Variants in TRIM24 observed in about 807,000 individuals in gnomAD.
The protein encoded by TRIM24 is tripartite motif containing 24.
In TRIM24, 29 loss-of-function variants were observed where a neutral mutation model predicts 123.9. The observed-to-expected ratio is 0.23, with a 90% CI of 0.17 to 0.32. The LOEUF is 0.32. Among genes scored for constraint, TRIM24 ranks in the 10% least tolerant of loss-of-function variants. The probability of loss-of-function intolerance (pLI) is 1.00; values close to 1 mark genes in which losing one functional copy is unlikely to be tolerated. For synonymous variants in TRIM24, 456 were observed against 461.1 expected (o/e 0.99, Z 0.14); for missense variants, 932 against 1,295.3 (o/e 0.72, Z 4.31).
In TRIM24 at chr7:138,589,887, C is replaced by A. The variant is rs998807256; in HGVS notation, c.*4936C>A. 1.3e-5 allele frequency: 2 copies of A among 152,112 alleles called. No homozygotes were observed. Among genetic ancestry groups the A allele is most frequent in the Non-Finnish European group, 2.9e-5 (2 of 68,008 alleles). The allele number at this position is 152,112 out of a possible 1,614,324, so 9.4% of individuals were successfully genotyped here. On this transcript the variant is annotated 3_prime_UTR_variant, in exon 19 of 19. Transcript: ENST00000343526. ...TTTAACAGATCTTTCATGGGGCCAACCTATTTGCTTCCTTAATTTTCAAAT... is the reference window on the plus strand; with the variant it reads ...TTTAACAGATCTTTCATGGGGCCAAACTATTTGCTTCCTTAATTTTCAAAT...
intron 1 of TRIM24, among the ~76,000 whole-genome samples, chr7:138,488,213 A>G (rs1030758637): frequency 6.1e-5 from 9 of 148,244 alleles, no homozygotes; most frequent in African/African-American, 2.2e-4. Flanking sequence ...TTTTTATTGC[A>G]TCTATTTGAT....
intron 6 of TRIM24, among the ~76,000 whole-genome samples, chr7:138,533,595 T>C (rs183691556): frequency 5.4e-4 from 83 of 152,328 alleles, no homozygotes; most frequent in African/African-American, 1.9e-3. Flanking sequence ...AGCTTTTTGA[T>C]GTGCTGCTGG....
At chr7:138,530,492 G>T (rs1194762869) in intron 6 of TRIM24, among the ~76,000 whole-genome samples, 2 of 151,978 alleles carry the variant, frequency 1.3e-5, no homozygotes, top group African/African-American at 2.4e-5. Flanking sequence ...TTGAGACAGG[G>T]TCTCACTCTG....
At chr7:138,576,623 A>C (rs1797766085) in intron 13 of TRIM24, among the ~76,000 whole-genome samples, 178 bp downstream of exon 13, 1 of 152,174 alleles carries the variant, frequency 6.6e-6, no homozygotes, top group Non-Finnish European at 1.5e-5. Context: ...CAAAAGTACA[A>C]ATTTACCTTT....
At chr7:138,494,331 C>G (rs1795857348) in intron 1 of TRIM24, among the ~76,000 whole-genome samples, 1 of 152,068 alleles carries the variant, frequency 6.6e-6, no homozygotes, top group African/African-American at 2.4e-5. Flanking sequence ...GTTGCCCAGG[C>G]TGCTCTTGAA....
chr7:138,553,200 G>C (rs2116633631), intron 8 of TRIM24, among the ~76,000 whole-genome samples: 1 of 152,232 alleles, frequency 6.6e-6, no homozygotes, highest in South Asian at 2.1e-4. Flanking sequence ...TATACAATGA[G>C]ATTTGCATTG....
intron 9 of TRIM24, among the ~76,000 whole-genome samples, chr7:138,557,854 G>A (rs551039874): frequency 1.4e-3 from 207 of 152,252 alleles, no homozygotes; most frequent in Non-Finnish European, 2.6e-3. Flanking sequence ...TGCCTATAAC[G>A]TTATGATGCA....
chr7:138,508,684 T>TGTGC (rs1796205608), intron 2 of TRIM24, among the ~76,000 whole-genome samples: 2 of 53,446 alleles, frequency 3.7e-5, no homozygotes, highest in African/African-American at 7.5e-5. Context: ...TGTGTGTGTG[T>TGTGC]GTGTGTGTGC....
intron 4 of TRIM24, among the ~76,000 whole-genome samples, chr7:138,523,599 C>T (rs1043026228): frequency 6.6e-6 from 1 of 151,880 alleles, no homozygotes; most frequent in Non-Finnish European, 1.5e-5. Context: ...ACTAAACATA[C>T]AAAAAATTAG....
chr7:138,500,984 AC>A (rs1389045726), intron 1 of TRIM24, among the ~76,000 whole-genome samples: 1 of 151,888 alleles, frequency 6.6e-6, no homozygotes, highest in African/African-American at 2.4e-5. Context: ...AAAAAGGTAC[AC>A]CTGTATAGAG....
At chr7:138,551,040 G>A in intron 7 of TRIM24, 23 bp from the exon 8 acceptor site, 1 of 1,595,026 alleles carries the variant, frequency 6.3e-7, no homozygotes, top group Non-Finnish European at 8.6e-7. Flanking sequence ...CTAATATTTA[G>A]TTATCTCTCC....
At chr7:138,555,139 G>A (rs1443090835) in intron 9 of TRIM24, among the ~76,000 whole-genome samples, 173 bp downstream of exon 9, 2 of 152,086 alleles carry the variant, frequency 1.3e-5, no homozygotes, top group African/African-American at 4.8e-5. Context: ...TACTTAAAAA[G>A]GATTTAATGG....
At chr7:138,531,123 TTTA>T (rs78988686) in intron 6 of TRIM24, among the ~76,000 whole-genome samples, 335 of 150,942 alleles carry the variant, frequency 2.2e-3, no homozygotes, top group African/African-American at 7.0e-3. Context: ...TCCTGGCTAA[TTTA>T]TTATTATTAT....
intron 11 of TRIM24, among the ~76,000 whole-genome samples, chr7:138,572,029 T>G (rs560930611): frequency 3.3e-5 from 5 of 152,350 alleles, no homozygotes; most frequent in Admixed American, 2.6e-4. Context: ...TTAGGAAATA[T>G]CTTGTACTCT....
intron 1 of TRIM24, among the ~76,000 whole-genome samples, chr7:138,477,185 G>C (rs1381960118): frequency 6.6e-6 from 1 of 152,078 alleles, no homozygotes; most frequent in East Asian, 1.9e-4. Context: ...GCCAGGCATG[G>C]TGGCTCACAC....
rs138645736 is a variant in TRIM24 at position 138,584,709 on chromosome 7, C to CT, written c.2944-26dup. On this transcript the variant is annotated intron_variant, in intron 18 of 18. Coordinates refer to ENST00000343526, the MANE Select transcript of TRIM24 (RefSeq NM_015905.3). ...TAATCTCAGAAGTCAAAAGTGTGTC[C>CT]TTTTTTTACTCATTTTTATTTTTAC... is the stretch of plus-strand genomic sequence containing the variant. The CT allele has an allele frequency of 8.3e-3, 12,714 of 1,532,564 alleles. 789 individuals are homozygous for CT. In the African/African-American group the frequency reaches 0.14, roughly 17 times the overall value. The allele number at this position is 1,532,564 out of a possible 1,614,324, so 94.9% of individuals were successfully genotyped here.
At chr7:138,553,838 G>A (rs975756340) in intron 8 of TRIM24, among the ~76,000 whole-genome samples, 2 of 152,272 alleles carry the variant, frequency 1.3e-5, no homozygotes, top group South Asian at 4.1e-4. Flanking sequence ...CCAGACCTCT[G>A]TTGACTTCAG....
intron 1 of TRIM24, among the ~76,000 whole-genome samples, chr7:138,466,510 A>G (rs1231118251): frequency 1.9e-5 from 2 of 104,088 alleles, no homozygotes; most frequent in Non-Finnish European, 3.5e-5. Context: ...TGTTGCCCAT[A>G]CTGGAGTGCA....
At chr7:138,573,390 A>G (rs1314843461) in intron 11 of TRIM24, 117 bp from the exon 12 acceptor site, 5 of 947,324 alleles carry the variant, frequency 5.3e-6, no homozygotes, top group Non-Finnish European at 7.3e-6. Context: ...CAAATGTGGT[A>G]TCTATGTTTT....
Sources: gnomAD v4.1 joint callset for allele counts (sites outside exome capture counted in the v4.1 genomes callset) on GRCh38, gnomAD v4.1.1 for gene constraint, MANE v1.5 for transcripts, NCBI Gene and HGNC (gene_info 2026-07-23, HGNC 2026-07-21) for gene names.